Variants in ABCA12 observed in about 807,000 individuals in gnomAD.
ABCA12 encodes the protein ATP binding cassette subfamily A member 12.
Under a neutral mutation model 293.5 loss-of-function variants are expected in ABCA12, and 156 were observed. That is an observed-to-expected ratio of 0.53 (90% CI 0.47 to 0.61). The LOEUF (loss-of-function observed/expected upper bound fraction) is 0.61. Among genes scored for constraint, ABCA12 ranks in the 20% least tolerant of loss-of-function variants. ABCA12 has a pLI of 0.00. For synonymous variants in ABCA12, 1,063 were observed against 1,108.0 expected, an observed-to-expected ratio of 0.96 and a Z score of 0.81; for missense variants, 2,797 against 3,090.2, an observed-to-expected ratio of 0.91 and a Z score of 2.25.
chr2:214,970,149 A>G, intron 37 of ABCA12, 124 bp downstream of exon 37: 1 of 1,025,048 alleles, frequency 9.8e-7, no homozygotes, highest in Non-Finnish European at 1.4e-6. Context: ...GGCTGTTTAA[A>G]TAAAACTGAG....
intron 2 of ABCA12, among the ~76,000 whole-genome samples, chr2:215,110,137 C>T (rs140987181): frequency 1.2e-3 from 190 of 152,222 alleles, no homozygotes; most frequent in African/African-American, 4.2e-3. Context: ...ATGAAGAGAG[C>T]AAAATTATGC....
intron 39 of ABCA12, among the ~76,000 whole-genome samples, chr2:214,963,633 G>A (rs1699175387): frequency 6.9e-6 from 1 of 144,578 alleles, no homozygotes; most frequent in East Asian, 2.0e-4. Flanking sequence ...AAAAAAAGAG[G>A]CTGTGGATGA....
chr2:214,967,248 C>T (rs1013010768), intron 38 of ABCA12, among the ~76,000 whole-genome samples: 2 of 152,070 alleles, frequency 1.3e-5, no homozygotes, highest in Non-Finnish European at 2.9e-5. Context: ...AAATCATTAT[C>T]TACATCCCTG....
At chr2:215,034,756 G>GT (rs1233210050) in intron 8 of ABCA12, among the ~76,000 whole-genome samples, 1 of 152,142 alleles carries the variant, frequency 6.6e-6, no homozygotes, top group Non-Finnish European at 1.5e-5. Context: ...GATAATAACT[G>GT]TATCTCACAG....
chr2:215,033,702 G>T (rs1428766476), intron 8 of ABCA12, among the ~76,000 whole-genome samples: 2 of 152,130 alleles, frequency 1.3e-5, no homozygotes, highest in African/African-American at 4.8e-5. Context: ...AGCATTTTGG[G>T]AGGTCGAGGT....
At chr2:215,054,105 G>C (rs1480705297) in intron 4 of ABCA12, among the ~76,000 whole-genome samples, 2 of 152,102 alleles carry the variant, frequency 1.3e-5, no homozygotes, top group Admixed American at 1.3e-4. Flanking sequence ...AGCTGAAAGA[G>C]TACTGGCCTG....
chr2:215,004,286 T>G lies in ABCA12; in HGVS notation c.2606A>C (p.Asn869Thr). 1 of 1,611,802 alleles carries G rather than the reference T, an allele frequency of 6.2e-7. No homozygotes were observed. The highest frequency in any genetic ancestry group is 8.5e-7 in the Non-Finnish European group (1 of 1,178,610). The change falls in exon 20 of 53, where the codon AAC (asparagine) becomes ACC (threonine). Residue 869 changes from asparagine to threonine, a missense_variant. Asn to Thr is a moderately conservative substitution (Grantham distance 65). This residue lies in a region of ABCA12 where 2,130 missense variants were observed against 2,427.0 expected (regional missense o/e 0.88). Transcript: ENST00000272895. The part of the protein sequence containing the change: ...AIPMLQNTLR[N>T]PFVQVFVKFS... ...CTTTACAAAAACTTGCACAAAAGGG[T>G]TCCTTAGAGTATTCTAACAAATAAT...
chr2:214,959,161 T>C, intron 39 of ABCA12, 83 bp from the exon 40 acceptor site: 1 of 1,153,046 alleles, frequency 8.7e-7, no homozygotes, highest in Non-Finnish European at 1.3e-6. Context: ...ATTCAACACT[T>C]TCCTCCTTAT....
At chr2:215,118,180 T>C (rs758127778) in intron 1 of ABCA12, among the ~76,000 whole-genome samples, 2 of 152,106 alleles carry the variant, frequency 1.3e-5, no homozygotes, top group Non-Finnish European at 2.9e-5. Flanking sequence ...GGCGGGCAGA[T>C]TGCTTGAGGT....
intron 29 of ABCA12, among the ~76,000 whole-genome samples, chr2:214,982,845 G>T (rs1408388173): frequency 6.6e-6 from 1 of 152,050 alleles, no homozygotes; most frequent in Non-Finnish European, 1.5e-5. Context: ...AGTAAGTTTT[G>T]GTGGTGATAA....
Position 215,009,603 on chromosome 2 carries a change from CAG to C in ABCA12, c.2472+726_2472+727del, listed in dbSNP as rs1409037608. On this transcript the variant is annotated intron_variant, in intron 18 of 52. Transcript: ENST00000272895. ...AAATCACAGTTTTTATAAAAATGGA[CAG>C]AGATTAAATTGAATATTCTTTGATA... is the stretch of plus-strand genomic sequence containing the variant. Among the ~76,000 whole-genome samples, 3 of 151,980 alleles carry C rather than the reference CAG, an allele frequency of 2.0e-5. No individual in the cohort carries two copies. In the South Asian group the frequency reaches 6.2e-4, roughly 32 times the overall value.
rs531535005 is a variant in ABCA12, at chr2:214,972,514, G to A, written c.5562+1435C>T. On this transcript the variant is annotated intron_variant, in intron 36 of 52. Transcript: ENST00000272895. ...CTTGACCCCGTGGGCTCAAGCCATC[G>A]TCCCACTTCAGCCCCACCAAGTAGC... is the stretch of plus-strand genomic sequence containing the variant. Among the ~76,000 whole-genome samples the A allele has an allele frequency of 4.5e-4, 68 of 151,802 alleles. No homozygotes were observed. The East Asian group carries it at 7.0e-3, about 16-fold the overall frequency.
At chr2:215,025,800 G>A in intron 10 of ABCA12, 21 bp from the exon 11 acceptor site, 6 of 1,527,096 alleles carry the variant, frequency 3.9e-6, no homozygotes, top group Non-Finnish European at 5.4e-6. Flanking sequence ...AGGGAGAAGA[G>A]TTACTTTATG....
chr2:214,936,155 T>C (rs1455657520), intron 51 of ABCA12, among the ~76,000 whole-genome samples: 1 of 152,212 alleles, frequency 6.6e-6, no homozygotes, highest in African/African-American at 2.4e-5. Flanking sequence ...AAGCTTTAAA[T>C]TGCATGCCTT....
At chr2:214,964,221 C>T (rs1324086513) in intron 39 of ABCA12, among the ~76,000 whole-genome samples, 3 of 152,104 alleles carry the variant, frequency 2.0e-5, no homozygotes, top group Non-Finnish European at 4.4e-5. Context: ...ATTGAAGGAA[C>T]ATACCTCAAA....
chr2:214,953,431 C>G (rs1161483002), intron 44 of ABCA12, among the ~76,000 whole-genome samples: 2 of 152,104 alleles, frequency 1.3e-5, no homozygotes, highest in Non-Finnish European at 2.9e-5. Context: ...ATGATGCTGT[C>G]TTCACTTTTT....
chr2:215,052,696 A>C lies in ABCA12; in HGVS notation c.410-112T>G, dbSNP rs73074416. On this transcript the variant is annotated intron_variant, in intron 4 of 52. Transcript: ENST00000272895. ...TGACCTCATATACCCTACAGCAAGGATGTGCTCAAACATGCCTCTTCCATG... is the reference window on the plus strand; with the variant it reads ...TGACCTCATATACCCTACAGCAAGGCTGTGCTCAAACATGCCTCTTCCATG... 14,156 of 913,670 alleles carry C rather than the reference A, an allele frequency of 0.015. 1,304 individuals are homozygous for C. In the African/African-American group the frequency reaches 0.2, roughly 13 times the overall value. 56.6% of individuals were successfully genotyped at this position (913,670 alleles called of 1,614,324 possible).
chr2:215,005,462 A>G (rs1319765337), intron 19 of ABCA12, among the ~76,000 whole-genome samples: 2 of 152,170 alleles, frequency 1.3e-5, no homozygotes, highest in Non-Finnish European at 2.9e-5. Context: ...ATATAATAGA[A>G]TTAGTTTGCT....
chr2:214,967,040 TTAAAA>T, intron 38 of ABCA12, 87 bp from the exon 39 acceptor site: 1 of 1,039,732 alleles, frequency 9.6e-7, no homozygotes. Flanking sequence ...TTATTTATAT[TTAAAA>T]TAAGAGCATC....
Sources: allele counts gnomAD v4.1 joint callset (sites outside exome capture counted in the v4.1 genomes callset), GRCh38; gene constraint gnomAD v4.1.1; regional missense constraint gnomAD v4.1.1; transcripts MANE v1.5; gene names NCBI Gene and HGNC (gene_info 2026-07-23, HGNC 2026-07-21).